The following CMPK1 variants were observed in gnomAD, a reference collection of about 807,000 sequenced individuals.
CMPK1 encodes the protein UMP-CMP kinase.
CMPK1 carries 10 observed loss-of-function variants against 25.7 expected under a neutral mutation model. The ratio of observed to expected loss-of-function variants is 0.39; its 90% CI spans 0.24 to 0.66. The LOEUF is 0.66. CMPK1 is among the 30% of genes least tolerant of loss of function. The probability of loss-of-function intolerance (pLI) is 0.48; values close to 1 mark genes in which losing one functional copy is unlikely to be tolerated. For missense variants in CMPK1, 199 were observed against 280.5 expected, an observed-to-expected ratio of 0.71 and a Z score of 2.08; for synonymous variants, 106 against 101.5, an observed-to-expected ratio of 1.04 and a Z score of -0.27.
chr1:47,375,042 C>T (rs1427662474), intron 4 of CMPK1, 57 bp downstream of exon 4: 1 of 1,426,014 alleles, frequency 7.0e-7, no homozygotes, highest in Non-Finnish European at 9.9e-7. Flanking sequence ...TTATTTGGTA[C>T]AGGAATAAAA....
intron 1 of CMPK1, among the ~76,000 whole-genome samples, chr1:47,335,960 A>G (rs1646395806): frequency 6.6e-6 from 1 of 151,916 alleles, no homozygotes; most frequent in African/African-American, 2.4e-5. Context: ...ACAGGGTTTC[A>G]CCATGTTGGC....
chr1:47,334,908 C>T (rs1646385038), intron 1 of CMPK1, among the ~76,000 whole-genome samples: 1 of 152,228 alleles, frequency 6.6e-6, no homozygotes, highest in African/African-American at 2.4e-5. Flanking sequence ...TAAAACACCT[C>T]CCAAATGTAA....
At chr1:47,337,200 A>G (rs1295242818) in intron 1 of CMPK1, among the ~76,000 whole-genome samples, 1 of 152,098 alleles carries the variant, frequency 6.6e-6, no homozygotes, top group Non-Finnish European at 1.5e-5. Flanking sequence ...GGAGAATGGC[A>G]TGAACCGGGG....
Position 47,375,234 on chromosome 1 carries a change from G to T in CMPK1, c.586G>T (p.Asp196Tyr). The T allele has an allele frequency of 1.2e-6, 2 of 1,609,936 alleles. No homozygotes were observed. The highest frequency in any genetic ancestry group is 2.2e-5 in the South Asian group (2 of 89,938). Residue 196 changes from aspartate to tyrosine, a missense_variant, in exon 5 of 6, where the codon GAC becomes TAC. By Grantham distance (160) the Asp-to-Tyr change is radical (BLOSUM62 -3). Around this residue, in one of 2 missense-constraint regions of CMPK1, gnomAD observed 140 missense variants for 235.5 expected, o/e 0.59. Coordinates refer to ENST00000371873, the MANE Select transcript of CMPK1 (RefSeq NM_016308.3). ...CCTTCAGTCAACAAAGCCAATTATT[G>T]ACTTATATGAAGAAATGGGGAAAGT... ...TYLQSTKPIIDLYEEMGKVKK... is the reference protein window; with the variant it reads ...TYLQSTKPIIYLYEEMGKVKK...
chr1:47,345,633 A>G (rs901454877), intron 1 of CMPK1, among the ~76,000 whole-genome samples: 17 of 151,290 alleles, frequency 1.1e-4, no homozygotes, highest in African/African-American at 3.6e-4. Context: ...AGCTGGGACT[A>G]CAGGTGCCCA....
intron 1 of CMPK1, among the ~76,000 whole-genome samples, chr1:47,360,611 C>T (rs1225581783): frequency 6.6e-6 from 1 of 152,188 alleles, no homozygotes; most frequent in African/African-American, 2.4e-5. Context: ...TGGAGAATTA[C>T]TTTTATTAAT....
At chr1:47,350,691 G>A (rs1015543220) in intron 1 of CMPK1, among the ~76,000 whole-genome samples, 4 of 151,964 alleles carry the variant, frequency 2.6e-5, no homozygotes, top group African/African-American at 7.2e-5. Flanking sequence ...TCAGGAGTTC[G>A]AGACCAGCCT....
At chr1:47,348,262 T>G (rs1266654038) in intron 1 of CMPK1, among the ~76,000 whole-genome samples, 1 of 152,182 alleles carries the variant, frequency 6.6e-6, no homozygotes, top group Non-Finnish European at 1.5e-5. Context: ...GATGTCTTAT[T>G]TTTTTGTTTC....
At chr1:47,344,700 T>C (rs905672795) in intron 1 of CMPK1, among the ~76,000 whole-genome samples, 21 of 152,002 alleles carry the variant, frequency 1.4e-4, no homozygotes, top group Non-Finnish European at 2.8e-4. Flanking sequence ...GGTTTTACCA[T>C]GTTGGCCAGG....
intron 1 of CMPK1, among the ~76,000 whole-genome samples, chr1:47,353,842 G>C (rs1646538660): frequency 6.6e-6 from 1 of 152,030 alleles, no homozygotes; most frequent in Non-Finnish European, 1.5e-5. Flanking sequence ...TCAGCCTCCT[G>C]AGTAGCTGGG....
chr1:47,334,806 C>T (rs116403805), intron 1 of CMPK1, among the ~76,000 whole-genome samples: 19 of 152,336 alleles, frequency 1.2e-4, no homozygotes, highest in South Asian at 4.1e-4. Flanking sequence ...TGCCAACTCA[C>T]GCTCGGCCCT....
intron 1 of CMPK1, chr1:47,358,240 G>T: frequency 2.2e-6 from 1 of 458,832 alleles, no homozygotes; most frequent in Non-Finnish European, 4.3e-6. Flanking sequence ...AGCCTTCCGA[G>T]TAGCCAGGAC....
intron 1 of CMPK1, among the ~76,000 whole-genome samples, chr1:47,344,061 A>G (rs1411364679): frequency 7.1e-6 from 1 of 140,586 alleles, no homozygotes; most frequent in Admixed American, 7.0e-5. Flanking sequence ...GAGCAAGACC[A>G]TGTCTTAAAA....
chr1:47,366,378 C>G (rs1403007958), intron 1 of CMPK1, among the ~76,000 whole-genome samples: 1 of 152,140 alleles, frequency 6.6e-6, no homozygotes, highest in Non-Finnish European at 1.5e-5. Context: ...TCTATTCTTG[C>G]TTTCCTCAAA....
intron 1 of CMPK1, among the ~76,000 whole-genome samples, chr1:47,357,528 T>G (rs1046366991): frequency 1.3e-5 from 2 of 151,076 alleles, no homozygotes; most frequent in Non-Finnish European, 2.9e-5. Context: ...TCTATTGCCT[T>G]GGCTGAAGTG....
intron 1 of CMPK1, among the ~76,000 whole-genome samples, chr1:47,356,555 A>G (rs1022249701): frequency 4.6e-5 from 7 of 152,216 alleles, no homozygotes; most frequent in African/African-American, 1.7e-4. Context: ...AACCAAAAAG[A>G]CAAATGCCAA....
chr1:47,364,322 TTTTG>T (rs142647386), intron 1 of CMPK1, among the ~76,000 whole-genome samples: 5,815 of 152,130 alleles, frequency 0.038, 153 homozygotes, highest in Middle Eastern at 0.061. Flanking sequence ...GGTTTGGTTT[TTTTG>T]TTTGTTTGTT....
chr1:47,370,812 G>A (rs1172050134), intron 2 of CMPK1, among the ~76,000 whole-genome samples: 5 of 149,420 alleles, frequency 3.3e-5, no homozygotes, highest in South Asian at 4.2e-4. Context: ...TTAGTCGGCC[G>A]TGGTGGCAGG....
intron 1 of CMPK1, among the ~76,000 whole-genome samples, chr1:47,367,728 C>G (rs1570377364): frequency 2.0e-5 from 3 of 152,142 alleles, no homozygotes. Flanking sequence ...TAAAAAGGAA[C>G]TTGCAAGTTT....
Sources: gnomAD v4.1 joint callset for allele counts (sites outside exome capture counted in the v4.1 genomes callset) on GRCh38, gnomAD v4.1.1 for gene constraint, gnomAD v4.1.1 regional missense constraint, MANE v1.5 for transcripts, NCBI Gene and HGNC (gene_info 2026-07-23, HGNC 2026-07-21) for gene names.